Variants in DNAI1 observed in about 807,000 individuals in gnomAD.
The protein encoded by DNAI1 is dynein, axonemal, intermediate polypeptide 1.
DNAI1 carries 67 observed loss-of-function variants against 92.0 expected under a neutral mutation model. The ratio of observed to expected loss-of-function variants is 0.73; its 90% CI spans 0.60 to 0.89. The LOEUF is 0.89. Ranked by LOEUF, DNAI1 falls within the 40% of genes least tolerant of loss-of-function variation. The probability of loss-of-function intolerance (pLI) is 0.00; values close to 1 mark genes in which losing one functional copy is unlikely to be tolerated. For synonymous variants in DNAI1, 323 were observed against 319.6 expected (o/e 1.01, Z -0.11); for missense variants, 839 against 866.6 (o/e 0.97, Z 0.40).
chr9:34,484,925 C>T (rs912996105), intron 2 of DNAI1: 4 of 518,156 alleles, frequency 7.7e-6, no homozygotes, highest in Non-Finnish European at 1.4e-5. Context: ...CTAAGCCTGA[C>T]CCCCAGGGCA....
In DNAI1 at chr9:34,493,156, C is replaced by T. The variant is rs1178207466; in HGVS notation, c.682-38C>T. The stretch of plus-strand genomic sequence containing the variant: ...AAAAGAGCTGTCTGGGTAAAGATTG[C>T]ACCTTACAATGATCCTTCTTATCTC... On this transcript the variant is annotated intron_variant, in intron 8 of 19. Coordinates refer to ENST00000242317, the MANE Select transcript of DNAI1 (RefSeq NM_012144.4). 7 of 1,613,954 alleles carry T rather than the reference C, an allele frequency of 4.3e-6. 1 individual carries two copies. In the South Asian group the frequency reaches 6.6e-5, roughly 15 times the overall value.
intron 1 of DNAI1, among the ~76,000 whole-genome samples, chr9:34,481,259 TG>T (rs1396020961): frequency 3.9e-5 from 6 of 152,238 alleles, no homozygotes; most frequent in Non-Finnish European, 7.3e-5. Flanking sequence ...GTAATAATAA[TG>T]TTTTTTTAAA....
intron 19 of DNAI1, among the ~76,000 whole-genome samples, chr9:34,518,064 T>C (rs767140559): frequency 1.3e-5 from 2 of 152,076 alleles, no homozygotes; most frequent in Admixed American, 6.5e-5. Flanking sequence ...GACCTTAAAG[T>C]CTAGATCTGA....
At chr9:34,504,767 AC>A (rs1824893197) in intron 12 of DNAI1, among the ~76,000 whole-genome samples, 1 of 152,170 alleles carries the variant, frequency 6.6e-6, no homozygotes, top group Non-Finnish European at 1.5e-5. Context: ...GAGGTTTTGA[AC>A]CCTCTAGCAA....
chr9:34,518,306 T>C (rs779426194), intron 19 of DNAI1, among the ~76,000 whole-genome samples: 1 of 152,236 alleles, frequency 6.6e-6, no homozygotes, highest in Non-Finnish European at 1.5e-5. Flanking sequence ...GGCCTGTGTC[T>C]TTCGACTACT....
intron 1 of DNAI1, among the ~76,000 whole-genome samples, chr9:34,475,298 T>A (rs1824216658): frequency 6.6e-6 from 1 of 152,174 alleles, no homozygotes; most frequent in South Asian, 2.1e-4. Context: ...ACAACTGAGA[T>A]GGTAAACGAA....
chr9:34,468,293 T>C (rs1824074412), intron 1 of DNAI1, among the ~76,000 whole-genome samples: 1 of 151,690 alleles, frequency 6.6e-6, no homozygotes, highest in Non-Finnish European at 1.5e-5. Flanking sequence ...GCCATTCTCC[T>C]GCCTCAGCCT....
At position 34,493,333 on chromosome 9, in the gene DNAI1, G is replaced by T; in HGVS notation, c.816+5G>T. On this transcript the variant is annotated splice_donor_5th_base_variant and intron_variant, in intron 9 of 19. Transcript: ENST00000242317. ...CTGACATCTATGGAGTCTCAGGTTT[G>T]GTGTTAGTTCCTACAGCTCTGCCAC... 1 of 1,614,028 alleles carries T rather than the reference G, an allele frequency of 6.2e-7. No homozygotes were observed. Among genetic ancestry groups the T allele is most frequent in the Non-Finnish European group, 8.5e-7 (1 of 1,179,898 alleles).
intron 1 of DNAI1, among the ~76,000 whole-genome samples, chr9:34,481,391 C>T (rs966084266): frequency 6.6e-5 from 10 of 152,104 alleles, no homozygotes; most frequent in Non-Finnish European, 1.5e-4. Context: ...TGGGTCAGTC[C>T]CACTGATGCT....
intron 13 of DNAI1, among the ~76,000 whole-genome samples, chr9:34,509,555 A>G (rs1825023585): frequency 6.6e-6 from 1 of 152,020 alleles, no homozygotes; most frequent in African/African-American, 2.4e-5. Flanking sequence ...CCCCCTGAGC[A>G]TAGTTCGAAA....
At chr9:34,512,868 C>G (rs1379755076) in intron 15 of DNAI1, among the ~76,000 whole-genome samples, 1 of 152,234 alleles carries the variant, frequency 6.6e-6, no homozygotes, top group African/African-American at 2.4e-5. Context: ...ACCCAGGCCC[C>G]CATTCCTGTC....
chr9:34,473,219 A>G (rs981315301), intron 1 of DNAI1, among the ~76,000 whole-genome samples: 8 of 151,582 alleles, frequency 5.3e-5, no homozygotes, highest in East Asian at 1.9e-4. Context: ...TTGTATATTT[A>G]TCATGTAAAA....
At chr9:34,516,087 T>G (rs1216968511) in intron 18 of DNAI1, among the ~76,000 whole-genome samples, 2 of 151,716 alleles carry the variant, frequency 1.3e-5, no homozygotes, top group Non-Finnish European at 2.9e-5. Context: ...ACGCTGAGAG[T>G]TGACTGGCAA....
At chr9:34,472,630 A>G (rs1824161513) in intron 1 of DNAI1, among the ~76,000 whole-genome samples, 1 of 152,222 alleles carries the variant, frequency 6.6e-6, no homozygotes, top group South Asian at 2.1e-4. Flanking sequence ...GGCTGGGTGC[A>G]GTGGTTCACG....
rs1236720533 is a variant in DNAI1, at chr9:34,517,270, C to T, written c.1819-15C>T. 6.2e-7 allele frequency: 1 copy of T among 1,612,782 alleles called. No homozygotes were observed. The highest frequency in any genetic ancestry group is 1.3e-5 in the African/African-American group (1 of 74,998). ...CTCATTACCCCTGAGTGTGCTGACA[C>T]CGACCTCTCCACAGGCCCACATATT... is the stretch of plus-strand genomic sequence containing the variant. On this transcript the variant is annotated splice_polypyrimidine_tract_variant and intron_variant, in intron 18 of 19. Transcript: ENST00000242317.
At position 34,517,288 on chromosome 9, in the gene DNAI1, C is replaced by A. The variant is rs148762102; in HGVS notation, c.1822C>A (p.His608Asn). 107 of 1,613,582 alleles carry A rather than the reference C, an allele frequency of 6.6e-5. No homozygotes were observed. The highest frequency in any genetic ancestry group is 8.8e-5 in the Non-Finnish European group (104 of 1,179,868). ...FAAVTTDGKAHIFDLAINKYE... is the reference protein window; with the variant it reads ...FAAVTTDGKANIFDLAINKYE... ...GCTGACACCGACCTCTCCACAGGCC[C>A]ACATATTTGACTTAGCCATCAACAA... Residue 608 changes from histidine (H) to asparagine (N), a missense_variant, in exon 19 of 20, where the codon CAC becomes AAC. Physicochemically the swap from His to Asn is moderately conservative, Grantham distance 68. Transcript: ENST00000242317.
At chr9:34,474,801 T>C (rs1185682641) in intron 1 of DNAI1, among the ~76,000 whole-genome samples, 4 of 151,998 alleles carry the variant, frequency 2.6e-5, no homozygotes, top group Non-Finnish European at 5.9e-5. Context: ...ACTTCTGACC[T>C]TGTGATCTGC....
intron 8 of DNAI1, among the ~76,000 whole-genome samples, chr9:34,491,910 G>A (rs1023808745): frequency 6.6e-6 from 1 of 152,206 alleles, no homozygotes; most frequent in Non-Finnish European, 1.5e-5. Flanking sequence ...ACTCCAAAGT[G>A]TTAGCACTCT....
intron 7 of DNAI1, among the ~76,000 whole-genome samples, chr9:34,490,878 G>A (rs1824577581): frequency 6.6e-6 from 1 of 152,244 alleles, no homozygotes; most frequent in Non-Finnish European, 1.5e-5. Context: ...AGGCCAGAAA[G>A]TTCCCTGACT....
Sources: allele counts gnomAD v4.1 joint callset (sites outside exome capture counted in the v4.1 genomes callset), GRCh38; gene constraint gnomAD v4.1.1; transcripts MANE v1.5; gene names NCBI Gene and HGNC (gene_info 2026-07-23, HGNC 2026-07-21).